Variants in LIMD1 observed in about 807,000 individuals in gnomAD.
LIMD1 encodes the protein LIM domain-containing protein 1.
LIMD1 carries 23 observed loss-of-function variants against 58.4 expected under a neutral mutation model. The ratio of observed to expected loss-of-function variants is 0.39; its 90% CI spans 0.28 to 0.56. The LOEUF (loss-of-function observed/expected upper bound fraction) is 0.56. Ranked by LOEUF, LIMD1 falls within the 20% of genes least tolerant of loss-of-function variation. The pLI, the probability that LIMD1 is intolerant of heterozygous loss-of-function variation, is 0.57. For missense variants in LIMD1, 838 were observed against 855.5 expected (o/e 0.98, Z 0.25); for synonymous variants, 334 against 345.5 (o/e 0.97, Z 0.37).
At chr3:45,621,664 G>A (rs996790725) in intron 1 of LIMD1, among the ~76,000 whole-genome samples, 7 of 152,024 alleles carry the variant, frequency 4.6e-5, no homozygotes, top group South Asian at 2.1e-4. Flanking sequence ...TCTATTTTTC[G>A]TATTTAAGTG....
chr3:45,643,820 G>A (rs942408639), intron 2 of LIMD1, among the ~76,000 whole-genome samples: 2 of 152,196 alleles, frequency 1.3e-5, no homozygotes, highest in African/African-American at 4.8e-5. Flanking sequence ...AGGGCCAGAC[G>A]GGGTCCACTT....
intron 4 of LIMD1, 52 bp downstream of exon 4, chr3:45,668,408 G>A (rs1697546170): frequency 1.4e-6 from 2 of 1,397,912 alleles, no homozygotes; most frequent in Non-Finnish European, 2.0e-6. Context: ...AGGAGGAGGT[G>A]TTCAGAGAAA....
chr3:45,650,510 C>T (rs969865057), intron 2 of LIMD1, among the ~76,000 whole-genome samples: 1 of 138,102 alleles, frequency 7.2e-6, no homozygotes, highest in Non-Finnish European at 1.6e-5. Flanking sequence ...CCCAACAGGC[C>T]CCAGTGTGTG....
chr3:45,635,772 A>T, intron 1 of LIMD1: 3 of 407,704 alleles, frequency 7.4e-6, no homozygotes, highest in Non-Finnish European at 9.9e-6. Context: ...GGAGGAAAAA[A>T]GAAATTTCCC....
At chr3:45,666,643 C>T (rs1697523277) in intron 3 of LIMD1, among the ~76,000 whole-genome samples, 1 of 152,184 alleles carries the variant, frequency 6.6e-6, no homozygotes, top group Non-Finnish European at 1.5e-5. Flanking sequence ...TGTGCTGCCA[C>T]CATGCCCAGG....
At chr3:45,601,829 A>C (rs1407335207) in intron 1 of LIMD1, among the ~76,000 whole-genome samples, 1 of 151,992 alleles carries the variant, frequency 6.6e-6, no homozygotes, top group Non-Finnish European at 1.5e-5. Context: ...CTCACGTCTG[A>C]GTGGATGCCT....
chr3:45,635,228 ACT>A (rs1399324112), intron 1 of LIMD1, among the ~76,000 whole-genome samples: 1 of 151,650 alleles, frequency 6.6e-6, no homozygotes, highest in Non-Finnish European at 1.5e-5. Flanking sequence ...ACAGAGTGAG[ACT>A]CTGTCTCAAA....
Position 45,685,209 on chromosome 3 carries a change from C to G in LIMD1, c.*8150C>G, listed in dbSNP as rs185430460. Reference sequence around the variant, plus strand: ...TTATATTACCCATCATTGGCTGGTTCCTTATCCTGAACATTGGTTTCCTTG... The same window carrying G: ...TTATATTACCCATCATTGGCTGGTTGCTTATCCTGAACATTGGTTTCCTTG... On this transcript the variant is annotated 3_prime_UTR_variant, in exon 8 of 8. Transcript: ENST00000273317. 53 of 152,236 alleles carry G rather than the reference C, an allele frequency of 3.5e-4. 1 individual carries two copies. The East Asian group carries it at 8.5e-3, about 24-fold the overall frequency. 9.4% of individuals were successfully genotyped at this position (152,236 alleles called of 1,614,324 possible). A position where few individuals can be genotyped will look rare whatever the true frequency, so the allele number is the denominator to read the frequency against.
chr3:45,677,137 G>A lies in LIMD1; in HGVS notation c.*78G>A. 6.5e-7 allele frequency: 1 copy of A among 1,536,138 alleles called. No individual in the cohort carries two copies. Among genetic ancestry groups the A allele is most frequent in the South Asian group, 1.2e-5 (1 of 86,652 alleles). ...TGCTGCTTCCGGTGGCCCCTGGGGT[G>A]GAAGTGGGGTAGGGGAAGAGGAGGG... On this transcript the variant is annotated 3_prime_UTR_variant, in exon 8 of 8. Transcript: ENST00000273317.
intron 1 of LIMD1, among the ~76,000 whole-genome samples, chr3:45,601,112 G>A (rs1008857997): frequency 2.0e-5 from 3 of 152,148 alleles, no homozygotes; most frequent in Admixed American, 2.0e-4. Context: ...ACTTGTCATA[G>A]GCTGGGTTTC....
intron 1 of LIMD1, among the ~76,000 whole-genome samples, chr3:45,620,801 T>A (rs899181826): frequency 6.6e-6 from 1 of 152,216 alleles, no homozygotes; most frequent in African/African-American, 2.4e-5. Context: ...TCTCAAATAT[T>A]TCTTCATAAA....
intron 1 of LIMD1, among the ~76,000 whole-genome samples, chr3:45,610,308 A>G (rs947829216): frequency 6.6e-6 from 1 of 152,114 alleles, no homozygotes; most frequent in African/African-American, 2.4e-5. Context: ...GCATCAATCC[A>G]TACCCTACAC....
At chr3:45,654,056 T>C (rs1404380345) in intron 2 of LIMD1, among the ~76,000 whole-genome samples, 1 of 152,158 alleles carries the variant, frequency 6.6e-6, no homozygotes, top group Non-Finnish European at 1.5e-5. Flanking sequence ...GTACTCAAGA[T>C]ATACTTGTTC....
intron 1 of LIMD1, among the ~76,000 whole-genome samples, chr3:45,619,262 G>A (rs1701607523): frequency 6.6e-6 from 1 of 152,032 alleles, no homozygotes; most frequent in Non-Finnish European, 1.5e-5. Flanking sequence ...TCCCGCTTCA[G>A]CCTCCTAAAG....
chr3:45,639,319 C>T (rs1323005969), intron 2 of LIMD1, among the ~76,000 whole-genome samples: 2 of 152,228 alleles, frequency 1.3e-5, no homozygotes, highest in Non-Finnish European at 2.9e-5. Context: ...CTGTTTTCCA[C>T]CTCAAGCAGT....
rs71325076 is a variant in LIMD1 at position 45,601,708 on chromosome 3, G to A, written c.1408+5421G>A. On this transcript the variant is annotated intron_variant, in intron 1 of 7. Transcript: ENST00000273317. ...GTTTACAGTTGAGAAACCGAGGCCAGAGAGGTTAAGTGACTTGCTCAAGAC... is the reference window on the plus strand; with the variant it reads ...GTTTACAGTTGAGAAACCGAGGCCAAAGAGGTTAAGTGACTTGCTCAAGAC... 5.3e-3 allele frequency among the ~76,000 whole-genome samples: 800 copies of A among 152,332 alleles called. 3 individuals carry two copies. Among genetic ancestry groups the A allele is most frequent in the Admixed American group, 8.6e-3 (132 of 15,306 alleles).
At chr3:45,610,633 C>T (rs187303056) in intron 1 of LIMD1, among the ~76,000 whole-genome samples, 1 of 152,248 alleles carries the variant, frequency 6.6e-6, no homozygotes, top group Non-Finnish European at 1.5e-5. Context: ...GGATCTGCCA[C>T]CCCCCAGCTC....
At chr3:45,628,999 G>GCCT (rs1378089140) in intron 1 of LIMD1, among the ~76,000 whole-genome samples, 1 of 152,238 alleles carries the variant, frequency 6.6e-6, no homozygotes, top group Non-Finnish European at 1.5e-5. Context: ...ATCAGTGGTT[G>GCCT]CCTGGGGAGA....
chr3:45,672,799 A>C lies in LIMD1; in HGVS notation c.1751A>C (p.Tyr584Ser). The change falls in exon 5 of 8, where the codon TAC becomes TCC. Residue 584 changes from tyrosine to serine, a missense_variant. By Grantham distance (144) the Tyr-to-Ser change is moderately radical. Transcript: ENST00000273317. The stretch of plus-strand genomic sequence containing the variant: ...ACCGTGGACTCAGAGAACAAGATCT[A>C]CTGTGTCCGAGATTACCACAAGTAA... ...PFTVDSENKI[Y>S]CVRDYHKVLA... is the part of the protein sequence containing the mutation. 6.2e-7 allele frequency: 1 copy of C among 1,613,912 alleles called. No individual in the cohort carries two copies. The highest frequency in any genetic ancestry group is 8.5e-7 in the Non-Finnish European group (1 of 1,179,888).
Sources: gnomAD v4.1 joint callset for allele counts (sites outside exome capture counted in the v4.1 genomes callset) on GRCh38, gnomAD v4.1.1 for gene constraint, MANE v1.5 for transcripts, NCBI Gene and HGNC (gene_info 2026-07-23, HGNC 2026-07-21) for gene names.